Variants in BZW2 observed in about 807,000 individuals in gnomAD.
BZW2 encodes basic leucine zipper and W2 domains 2.
Under a neutral mutation model 53.2 loss-of-function variants are expected in BZW2, and 23 were observed. That is an observed-to-expected ratio of 0.43 (90% CI 0.31 to 0.61). BZW2 has a LOEUF of 0.61. BZW2 is among the 20% of genes least tolerant of loss of function. BZW2 has a pLI of 0.09. For missense variants in BZW2, 409 were observed against 503.1 expected, an observed-to-expected ratio of 0.81 and a Z score of 1.79; for synonymous variants, 227 against 186.4, an observed-to-expected ratio of 1.22 and a Z score of -1.77.
intron 1 of BZW2, among the ~76,000 whole-genome samples, chr7:16,660,094 G>A (rs1222546886): frequency 7.0e-6 from 1 of 142,922 alleles, no homozygotes; most frequent in Non-Finnish European, 1.5e-5. Flanking sequence ...TTGGTTTTTT[G>A]TCCTTCAGAT....
Position 16,686,053 on chromosome 7 carries a change from C to A in BZW2, c.541+13C>A. The stretch of plus-strand genomic sequence containing the variant: ...TTAGTCAAAGAAGGTAACGAGGCTC[C>A]TGTTTTCTCGCCTGTCAGACAACAA... On this transcript the variant is annotated intron_variant, in intron 6 of 11. Coordinates refer to ENST00000258761, the MANE Select transcript of BZW2 (RefSeq NM_014038.3). The A allele has an allele frequency of 6.2e-7, 1 of 1,611,608 alleles. No individual in the cohort carries two copies. Among genetic ancestry groups the A allele is most frequent in the East Asian group, 2.2e-5 (1 of 44,834 alleles).
chr7:16,666,736 G>A (rs1316540028), intron 2 of BZW2, among the ~76,000 whole-genome samples: 2 of 152,038 alleles, frequency 1.3e-5, no homozygotes, highest in African/African-American at 2.4e-5. Context: ...GTGGTGCCAT[G>A]ACAGCTACTG....
At chr7:16,666,291 G>T (rs1213322282) in intron 2 of BZW2, among the ~76,000 whole-genome samples, 4 of 151,624 alleles carry the variant, frequency 2.6e-5, no homozygotes, top group Non-Finnish European at 4.4e-5. Flanking sequence ...GTAGAGACAG[G>T]GTCTCAAACT....
intron 3 of BZW2, among the ~76,000 whole-genome samples, chr7:16,680,431 G>A (rs1782907065): frequency 6.6e-6 from 1 of 152,142 alleles, no homozygotes; most frequent in South Asian, 2.1e-4. Context: ...ATGTAGTGAA[G>A]GCAAGGATGT....
chr7:16,686,234 AGG>A, intron 6 of BZW2, 194 bp downstream of exon 6: 5 of 802,032 alleles, frequency 6.2e-6, no homozygotes, highest in Admixed American at 2.8e-5. Flanking sequence ...GGAAGTTTGA[AGG>A]AAAAAATATG....
chr7:16,682,728 A>C (rs818503), intron 4 of BZW2, 52 bp from the exon 5 acceptor site: 296,178 of 1,189,546 alleles, frequency 0.25, 45,297 homozygotes, highest in African/African-American at 0.68. Context: ...TCTATTACCT[A>C]CTTCTGTGTC....
At chr7:16,670,604 G>A (rs568487452) in intron 2 of BZW2, among the ~76,000 whole-genome samples, 1 of 152,300 alleles carries the variant, frequency 6.6e-6, no homozygotes, top group Admixed American at 6.5e-5. Flanking sequence ...CAACAAGGAA[G>A]GAGAATTGCC....
At chr7:16,698,272 A>G in intron 10 of BZW2, 86 bp downstream of exon 10, 1 of 1,536,856 alleles carries the variant, frequency 6.5e-7, no homozygotes. Context: ...AGAGGAGGTC[A>G]TGGGGCTCTG....
chr7:16,696,640 A>C (rs770133262), intron 8 of BZW2, among the ~76,000 whole-genome samples: 1 of 152,212 alleles, frequency 6.6e-6, no homozygotes, highest in African/African-American at 2.4e-5. Context: ...GGGTTTCTCT[A>C]TGAGGAAACA....
At chr7:16,705,423 C>T (rs551612512) in intron 11 of BZW2, among the ~76,000 whole-genome samples, 44 of 152,176 alleles carry the variant, frequency 2.9e-4, no homozygotes, top group Admixed American at 3.3e-4. Context: ...CGGTGGCTCA[C>T]GCCTGTAATC....
chr7:16,686,979 A>G (rs1233262951), intron 6 of BZW2: 2 of 152,200 alleles, frequency 1.3e-5, no homozygotes, highest in Non-Finnish European at 2.9e-5. Context: ...TACAACACAC[A>G]TCTTATTTTT....
intron 1 of BZW2, among the ~76,000 whole-genome samples, chr7:16,652,714 G>A (rs1782017105): frequency 6.6e-6 from 1 of 151,898 alleles, no homozygotes; most frequent in Non-Finnish European, 1.5e-5. Flanking sequence ...TAGTACAGAC[G>A]GGGTTTCACC....
At chr7:16,681,027 C>T (rs765090281) in intron 3 of BZW2, among the ~76,000 whole-genome samples, 9 of 152,044 alleles carry the variant, frequency 5.9e-5, no homozygotes, top group Non-Finnish European at 1.2e-4. Context: ...TCGCTTGAAC[C>T]GGGGAGGTGG....
At chr7:16,702,744 C>T (rs1181080076) in intron 10 of BZW2, among the ~76,000 whole-genome samples, 1 of 152,082 alleles carries the variant, frequency 6.6e-6, no homozygotes, top group Admixed American at 6.6e-5. Context: ...ATCCTCAATT[C>T]ATTAAGGTGT....
At chr7:16,663,656 T>C (rs1324107440) in intron 1 of BZW2, among the ~76,000 whole-genome samples, 1 of 152,138 alleles carries the variant, frequency 6.6e-6, no homozygotes, top group Non-Finnish European at 1.5e-5. Flanking sequence ...AAATTTTTTA[T>C]TGTTTGATGG....
At chr7:16,704,145 T>C (rs1783760246) in intron 10 of BZW2, among the ~76,000 whole-genome samples, 1 of 152,206 alleles carries the variant, frequency 6.6e-6, no homozygotes, top group African/African-American at 2.4e-5. Context: ...ACACTGGTCA[T>C]TTGAGGTTAC....
rs760636063 is a variant in BZW2, at chr7:16,674,464, G to A, written c.111G>A (p.Gly37=). ...TCTTCAGGGATACACTTGTCCAGGG[G>A]CTTAATGAGGCTGGTGATGACCTTG... The part of the protein sequence containing the change: ...PTVFRDTLVQ[G]LNEAGDDLEA... Residue 37 remains glycine, a synonymous_variant, in exon 3 of 12, where the codon GGG becomes GGA. Transcript: ENST00000258761. 4.3e-6 allele frequency: 7 copies of A among 1,612,830 alleles called. No homozygotes were observed. The East Asian group carries it at 1.1e-4, about 26-fold the overall frequency.
At chr7:16,653,365 T>C (rs1015874631) in intron 1 of BZW2, among the ~76,000 whole-genome samples, 2 of 152,244 alleles carry the variant, frequency 1.3e-5, no homozygotes, top group Admixed American at 1.3e-4. Context: ...CAACACTCTT[T>C]TACTTTAATA....
chr7:16,674,521 C>G lies in BZW2; in HGVS notation c.168C>G (p.Gly56=). 6.2e-7 allele frequency: 1 copy of G among 1,612,730 alleles called. No homozygotes were observed. Among genetic ancestry groups the G allele is most frequent in the Non-Finnish European group, 8.5e-7 (1 of 1,179,150 alleles). ...EAVAKFLDST[G]SRLDYRRYAD... ...TAGCCAAATTTCTGGACTCTACAGG[C>G]TCAAGATTAGATTATCGTCGCTATG... The change falls in exon 3 of 12, where the codon GGC becomes GGG. Residue 56 remains glycine (G), a synonymous_variant. Coordinates refer to ENST00000258761, the MANE Select transcript of BZW2 (RefSeq NM_014038.3).
Sources: gnomAD v4.1 joint callset for allele counts (sites outside exome capture counted in the v4.1 genomes callset) on GRCh38, gnomAD v4.1.1 for gene constraint, MANE v1.5 for transcripts, NCBI Gene and HGNC (gene_info 2026-07-23, HGNC 2026-07-21) for gene names.